The following STON2 variants were observed in gnomAD, a reference collection of about 807,000 sequenced individuals.
The protein encoded by STON2 is stonin 2.
In STON2, 29 loss-of-function variants were observed where a neutral mutation model predicts 65.7. The ratio of observed to expected loss-of-function variants is 0.44; its 90% CI spans 0.33 to 0.60. The LOEUF (loss-of-function observed/expected upper bound fraction) is 0.60, where lower values mean the gene tolerates loss of function less well. Ranked by LOEUF, STON2 falls within the 20% of genes least tolerant of loss-of-function variation. STON2 has a pLI of 0.03. For synonymous variants in STON2, 404 were observed against 414.2 expected, an observed-to-expected ratio of 0.98 and a Z score of 0.30; for missense variants, 1,054 against 1,118.1, an observed-to-expected ratio of 0.94 and a Z score of 0.82.
At chr14:81,401,996 T>A (rs909376723), upstream of STON2, among the ~76,000 whole-genome samples, 1 of 152,068 alleles carries the variant, frequency 6.6e-6, no homozygotes, top group African/African-American at 2.4e-5. Flanking sequence ...CAAGTGACAG[T>A]AAAAATCAGA....
intron 2 of STON2, among the ~76,000 whole-genome samples, chr14:81,417,071 T>C (rs1466542084): frequency 1.3e-5 from 2 of 152,126 alleles, no homozygotes; most frequent in Non-Finnish European, 1.5e-5. Context: ...AATCAAACTT[T>C]CCTTGTGGGT....
chr14:81,390,609 A>C (rs923910076), intron 3 of STON2, among the ~76,000 whole-genome samples: 5 of 152,162 alleles, frequency 3.3e-5, no homozygotes, highest in African/African-American at 7.2e-5. Context: ...ACAAACAAAA[A>C]GTCCTGCATC....
chr14:81,314,796 T>C (rs1424686105), intron 5 of STON2, among the ~76,000 whole-genome samples: 1 of 152,256 alleles, frequency 6.6e-6, no homozygotes, highest in African/African-American at 2.4e-5. Flanking sequence ...AGCTTCCTCA[T>C]GTTCTTCTCT....
chr14:81,358,943 C>T (rs929692441), intron 4 of STON2, among the ~76,000 whole-genome samples: 3 of 152,032 alleles, frequency 2.0e-5, no homozygotes, highest in Non-Finnish European at 2.9e-5. Context: ...ATAATCATAT[C>T]GGACTTGAAT....
Position 81,264,350 on chromosome 14 carries a change from G to A in STON2, c.*4064C>T, listed in dbSNP as rs540151483. The A allele has an allele frequency of 1.0e-6, 1 of 985,464 alleles. No individual in the cohort carries two copies. The highest frequency in any genetic ancestry group is 6.1e-5 in the Admixed American group (1 of 16,282). 61.0% of individuals were successfully genotyped at this position (985,464 alleles called of 1,614,324 possible). ...AAAGCATGCTTGCTGGCTTTATTAT[G>A]AGTATTTGATGATAAGTAAGGGTTA... On this transcript the variant is annotated 3_prime_UTR_variant, in exon 8 of 8. Transcript: ENST00000614646.
chr14:81,296,780 C>T (rs1895778015), intron 5 of STON2, among the ~76,000 whole-genome samples: 1 of 152,124 alleles, frequency 6.6e-6, no homozygotes, highest in East Asian at 1.9e-4. Context: ...CAAGAGCAGA[C>T]TGTGGCAAAT....
At chr14:81,301,139 T>C (rs1490729911) in intron 5 of STON2, among the ~76,000 whole-genome samples, 1 of 152,220 alleles carries the variant, frequency 6.6e-6, no homozygotes, top group East Asian at 1.9e-4. Flanking sequence ...ATAAGGAAGA[T>C]ATTTTTATCC....
chr14:81,302,148 C>T (rs1895993193), intron 5 of STON2, among the ~76,000 whole-genome samples: 1 of 152,186 alleles, frequency 6.6e-6, no homozygotes, highest in Non-Finnish European at 1.5e-5. Flanking sequence ...TGTGGAAAAC[C>T]ATTTAGAACA....
At chr14:81,354,151 T>C (rs1159426738) in intron 4 of STON2, among the ~76,000 whole-genome samples, 1 of 152,214 alleles carries the variant, frequency 6.6e-6, no homozygotes, top group Non-Finnish European at 1.5e-5. Context: ...GAATGCACCC[T>C]GTGGCCTGGC....
chr14:81,380,041 C>T lies in STON2; in HGVS notation c.374-8856G>A, dbSNP rs188240344. ...GCTTCTGCACAACAAAAGAAACTAT[C>T]AACGGAGTAAACAGACAATCTACAA... On this transcript the variant is annotated intron_variant, in intron 3 of 7. Transcript: ENST00000614646. Among the ~76,000 whole-genome samples the T allele has an allele frequency of 3.7e-4, 56 of 152,242 alleles. 1 individual carries two copies. The highest frequency in any genetic ancestry group is 1.2e-3 in the African/African-American group (50 of 41,562).
chr14:81,363,931 G>C (rs1322708582), intron 4 of STON2, among the ~76,000 whole-genome samples: 1 of 152,078 alleles, frequency 6.6e-6, no homozygotes, highest in Admixed American at 6.6e-5. Flanking sequence ...AGCAAAACAG[G>C]CAACAGAGAA....
chr14:81,362,375 G>C (rs1898532619), intron 4 of STON2, among the ~76,000 whole-genome samples: 1 of 152,128 alleles, frequency 6.6e-6, no homozygotes, highest in Admixed American at 6.6e-5. Context: ...AGTGAAATAA[G>C]CCAGGCACAG....
Position 81,412,993 on chromosome 14 carries a change from C to A in STON2, c.-199+14109G>T, listed in dbSNP as rs556256583. ...CCATGTGCGACCAAAAGGCCGTGAT[C>A]AAAAATGCGGACATGTCGGAAGAGA... is the stretch of plus-strand genomic sequence containing the variant. On this transcript the variant is annotated intron_variant, in intron 2 of 8. Transcript: ENST00000553821. 3.0e-5 allele frequency: 33 copies of A among 1,084,718 alleles called. 6 individuals carry two copies. The African/African-American group carries it at 3.3e-4, about 11-fold the overall frequency. 67.2% of individuals were successfully genotyped at this position (1,084,718 alleles called of 1,614,324 possible).
At chr14:81,393,962 G>T (rs1858478158) in intron 3 of STON2, among the ~76,000 whole-genome samples, 1 of 152,344 alleles carries the variant, frequency 6.6e-6, no homozygotes, top group African/African-American at 2.4e-5. Flanking sequence ...GGCTAAGGCA[G>T]GTGGATCACC....
intron 5 of STON2, among the ~76,000 whole-genome samples, chr14:81,299,790 T>C (rs1277971574): frequency 6.6e-6 from 1 of 152,132 alleles, no homozygotes; most frequent in African/African-American, 2.4e-5. Context: ...GTAAGGCCTC[T>C]TCACTGTTGA....
At chr14:81,345,549 C>T (rs1421733715) in intron 4 of STON2, among the ~76,000 whole-genome samples, 1 of 151,976 alleles carries the variant, frequency 6.6e-6, no homozygotes, top group African/African-American at 2.4e-5. Flanking sequence ...ATGGCTGGGG[C>T]CCAGGAGTTC....
intron 5 of STON2, among the ~76,000 whole-genome samples, chr14:81,306,316 A>G (rs1243214277): frequency 7.7e-6 from 1 of 129,564 alleles, no homozygotes; most frequent in Non-Finnish European, 1.5e-5. Flanking sequence ...TGCAACCTTC[A>G]CCTCCCGGGT....
At chr14:81,373,131 G>A (rs1210247940) in intron 3 of STON2, among the ~76,000 whole-genome samples, 1 of 152,144 alleles carries the variant, frequency 6.6e-6, no homozygotes, top group African/African-American at 2.4e-5. Flanking sequence ...AGCTCCTTGA[G>A]GGGGCAGGGA....
chr14:81,424,399 G>A (rs1185828211), intron 2 of STON2, among the ~76,000 whole-genome samples: 4 of 151,854 alleles, frequency 2.6e-5, no homozygotes, highest in Admixed American at 6.6e-5. Flanking sequence ...AGCCAAGATC[G>A]CGCCACTGTA....
Sources: gnomAD v4.1 joint callset for allele counts (sites outside exome capture counted in the v4.1 genomes callset) on GRCh38, gnomAD v4.1.1 for gene constraint, MANE v1.5 for transcripts, NCBI Gene and HGNC (gene_info 2026-07-23, HGNC 2026-07-21) for gene names.